CDH20: variants seen among roughly 807,000 people sequenced by gnomAD.
The protein encoded by CDH20 is cadherin-20.
CDH20 carries 29 observed loss-of-function variants against 74.2 expected under a neutral mutation model. The observed-to-expected ratio is 0.39, with a 90% CI of 0.29 to 0.53. The LOEUF is 0.53. Ranked by LOEUF, CDH20 falls within the 20% of genes least tolerant of loss-of-function variation. CDH20 has a pLI of 0.69. For synonymous variants in CDH20, 469 were observed against 405.4 expected (o/e 1.16, Z -1.88); for missense variants, 988 against 1,048.3 (o/e 0.94, Z 0.79).
At chr18:61,412,858 A>C (rs542842253) in intron 1 of CDH20, among the ~76,000 whole-genome samples, 1 of 152,314 alleles carries the variant, frequency 6.6e-6, no homozygotes, top group South Asian at 2.1e-4. Flanking sequence ...ACATACTCCA[A>C]GGAAGGATAC....
intron 1 of CDH20, among the ~76,000 whole-genome samples, chr18:61,351,096 A>G (rs181336352): frequency 1.9e-4 from 29 of 152,300 alleles, no homozygotes; most frequent in Admixed American, 1.6e-3. Context: ...AAGGAAGTAT[A>G]CCAACTAATT....
intron 6 of CDH20, among the ~76,000 whole-genome samples, chr18:61,516,220 C>T (rs940093554): frequency 1.3e-5 from 2 of 152,232 alleles, no homozygotes; most frequent in African/African-American, 4.8e-5. Flanking sequence ...TACTATCACT[C>T]AACCAGTAAA....
At chr18:61,369,399 G>C (rs1033591238) in intron 1 of CDH20, among the ~76,000 whole-genome samples, 5 of 152,060 alleles carry the variant, frequency 3.3e-5, no homozygotes, top group Admixed American at 3.3e-4. Flanking sequence ...TCTATAACTC[G>C]AAGCATAATA....
chr18:61,426,974 T>C (rs1196371240), intron 1 of CDH20, among the ~76,000 whole-genome samples: 3 of 152,112 alleles, frequency 2.0e-5, no homozygotes, highest in Admixed American at 6.6e-5. Context: ...GACCGAAGCA[T>C]GTTTTAAGAA....
chr18:61,462,283 G>T (rs998228698), intron 1 of CDH20, among the ~76,000 whole-genome samples: 1 of 152,072 alleles, frequency 6.6e-6, no homozygotes, highest in African/African-American at 2.4e-5. Context: ...ACATCACCTT[G>T]TACCCCATAA....
At chr18:61,483,288 CA>C (rs1195136803) in intron 1 of CDH20, among the ~76,000 whole-genome samples, 1 of 152,154 alleles carries the variant, frequency 6.6e-6, no homozygotes, top group Non-Finnish European at 1.5e-5. Flanking sequence ...TGCCAATACC[CA>C]TGGTATAAAT....
intron 1 of CDH20, among the ~76,000 whole-genome samples, chr18:61,394,618 T>G (rs1374946841): frequency 6.6e-6 from 1 of 152,148 alleles, no homozygotes; most frequent in Non-Finnish European, 1.5e-5. Context: ...TCCAGAACTG[T>G]GAGACAATAG....
At chr18:61,547,970 A>T (rs185864506) in intron 10 of CDH20, among the ~76,000 whole-genome samples, 83 of 152,328 alleles carry the variant, frequency 5.4e-4, no homozygotes, top group Non-Finnish European at 8.4e-4. Flanking sequence ...CTCTAGTCAG[A>T]CTTTCTAAAA....
At chr18:61,511,642 ATAGTT>A (rs903130917) in intron 6 of CDH20, among the ~76,000 whole-genome samples, 2 of 152,226 alleles carry the variant, frequency 1.3e-5, no homozygotes, top group African/African-American at 4.8e-5. Context: ...TTATCACAAT[ATAGTT>A]TAGACTGTAT....
chr18:61,549,749 A>C (rs1913368118), intron 10 of CDH20: 2 of 543,202 alleles, frequency 3.7e-6, no homozygotes, highest in South Asian at 5.3e-5. Flanking sequence ...TCAAAAAAAA[A>C]AGAGGCTTTC....
intron 6 of CDH20, among the ~76,000 whole-genome samples, chr18:61,510,765 T>C (rs1384676890): frequency 1.3e-5 from 2 of 152,194 alleles, no homozygotes; most frequent in Non-Finnish European, 2.9e-5. Context: ...AATACTATAA[T>C]TTCTTATTCT....
intron 1 of CDH20, among the ~76,000 whole-genome samples, chr18:61,440,425 T>C (rs902231244): frequency 5.9e-5 from 9 of 151,706 alleles, no homozygotes; most frequent in African/African-American, 2.2e-4. Flanking sequence ...TACTTAGGAG[T>C]TGTTTGTTTC....
chr18:61,495,865 G>A (rs969624962), intron 2 of CDH20, among the ~76,000 whole-genome samples: 13 of 152,092 alleles, frequency 8.5e-5, no homozygotes, highest in Non-Finnish European at 1.6e-4. Flanking sequence ...ACTACACCAA[G>A]AACTGATAGG....
At chr18:61,534,925 TGTTA>T (rs1245411734) in intron 7 of CDH20, among the ~76,000 whole-genome samples, 1 of 152,198 alleles carries the variant, frequency 6.6e-6, no homozygotes, top group Non-Finnish European at 1.5e-5. Context: ...GTAATAGACA[TGTTA>T]ATTAGCCTGA....
intron 1 of CDH20, among the ~76,000 whole-genome samples, chr18:61,429,194 T>G (rs2144291916): frequency 6.6e-6 from 1 of 152,262 alleles, no homozygotes; most frequent in East Asian, 1.9e-4. Flanking sequence ...CAAGGAGAAA[T>G]TTTAGGAAAA....
At chr18:61,413,401 T>C (rs532601247) in intron 1 of CDH20, among the ~76,000 whole-genome samples, 2 of 152,276 alleles carry the variant, frequency 1.3e-5, no homozygotes, top group Admixed American at 6.5e-5. Flanking sequence ...AGCTGCTATA[T>C]AGAAAAATAC....
chr18:61,476,175 A>T (rs60186451), intron 1 of CDH20, among the ~76,000 whole-genome samples: 3 of 152,156 alleles, frequency 2.0e-5, no homozygotes, highest in Non-Finnish European at 4.4e-5. Flanking sequence ...AGAATGCCGC[A>T]GAAGACATGG....
chr18:61,357,544 G>A (rs1910534387), intron 1 of CDH20, among the ~76,000 whole-genome samples: 1 of 152,182 alleles, frequency 6.6e-6, no homozygotes, highest in African/African-American at 2.4e-5. Context: ...GTTGCAAAAT[G>A]GCTGCGTTGT....
intron 10 of CDH20, 116 bp downstream of exon 10, chr18:61,545,260 A>T: frequency 7.1e-6 from 5 of 704,636 alleles, no homozygotes; most frequent in Non-Finnish European, 1.3e-5. Flanking sequence ...AGCAGGGAGG[A>T]TGTTAATAAT....
Sources: gnomAD v4.1 joint callset for allele counts (sites outside exome capture counted in the v4.1 genomes callset) on GRCh38, gnomAD v4.1.1 for gene constraint, MANE v1.5 for transcripts, NCBI Gene and HGNC (gene_info 2026-07-23, HGNC 2026-07-21) for gene names.